MSANTD3: variants seen among roughly 807,000 people sequenced by gnomAD.
MSANTD3 encodes Myb/SANT DNA binding domain containing 3, also known as myb/SANT-like DNA-binding domain-containing protein 3.
MSANTD3 carries 11 observed loss-of-function variants against 27.7 expected under a neutral mutation model. That is an observed-to-expected ratio of 0.40 (90% confidence interval 0.25 to 0.66). The LOEUF (loss-of-function observed/expected upper bound fraction) is 0.66. MSANTD3 is among the 30% of genes least tolerant of loss of function. The probability of loss-of-function intolerance (pLI) is 0.41; values close to 1 mark genes in which losing one functional copy is unlikely to be tolerated. For synonymous variants in MSANTD3, 131 were observed against 127.2 expected, an observed-to-expected ratio of 1.03 and a Z score of -0.20; for missense variants, 250 against 336.5, an observed-to-expected ratio of 0.74 and a Z score of 2.01.
chr9:100,439,517 AT>A (rs1360856102), intron 1 of MSANTD3, among the ~76,000 whole-genome samples: 3 of 141,966 alleles, frequency 2.1e-5, no homozygotes, highest in Admixed American at 1.4e-4. Flanking sequence ...TTTTTTTTTA[AT>A]TTTTTTTTCG....
intron 2 of MSANTD3, chr9:100,448,189 TCAA>T (rs1836801211): frequency 2.5e-6 from 1 of 402,978 alleles, no homozygotes; most frequent in African/African-American, 8.4e-5. Flanking sequence ...AGACCCCATC[TCAA>T]AAAAAAAAAA....
chr9:100,433,910 T>C (rs889057462), intron 1 of MSANTD3, among the ~76,000 whole-genome samples: 1 of 152,144 alleles, frequency 6.6e-6, no homozygotes, highest in African/African-American at 2.4e-5. Context: ...TAATCTAATT[T>C]CAGTCTATTC....
At chr9:100,431,472 TA>T (rs1473420532) in intron 1 of MSANTD3, among the ~76,000 whole-genome samples, 1 of 151,872 alleles carries the variant, frequency 6.6e-6, no homozygotes, top group Non-Finnish European at 1.5e-5. Context: ...GCTAATTTTT[TA>T]ATTTTTATTT....
intron 2 of MSANTD3, among the ~76,000 whole-genome samples, chr9:100,449,520 T>G (rs10989097): frequency 0.27 from 41,586 of 151,556 alleles, 6,141 homozygotes; most frequent in African/African-American, 0.38. Flanking sequence ...GGAGTTGGGG[T>G]GAGGTTAAAA....
chr9:100,451,421 G>A lies in MSANTD3; in HGVS notation c.*455G>A, dbSNP rs1450446442. ...GGCTACACGTTTCTCCAATGGTGAT[G>A]CTGTTGCTCAGAACTTGCTAGAGGT... is the stretch of plus-strand genomic sequence containing the variant. On this transcript the variant is annotated 3_prime_UTR_variant, in exon 3 of 3. Transcript: ENST00000395067. The A allele has an allele frequency of 1.3e-5, 2 of 152,606 alleles. No individual in the cohort carries two copies. Among genetic ancestry groups the A allele is most frequent in the African/African-American group, 2.4e-5 (1 of 41,124 alleles). The allele number at this position is 152,606 out of a possible 1,614,324, so 9.5% of individuals were successfully genotyped here. A position where few individuals can be genotyped will look rare whatever the true frequency, so the allele number is the denominator to read the frequency against.
chr9:100,433,506 G>A (rs182747873), intron 1 of MSANTD3, among the ~76,000 whole-genome samples: 23 of 152,122 alleles, frequency 1.5e-4, no homozygotes, highest in Admixed American at 1.2e-3. Flanking sequence ...AGTAGCTGGG[G>A]CTATAGGCAC....
At chr9:100,444,017 T>C (rs951363103) in intron 2 of MSANTD3, 3 of 152,182 alleles carry the variant, frequency 2.0e-5, no homozygotes, top group Non-Finnish European at 2.9e-5. Flanking sequence ...TAATTAAAAG[T>C]AACAAGAAGC....
chr9:100,441,803 T>C, intron 1 of MSANTD3, 103 bp from the exon 2 acceptor site: 4 of 1,265,934 alleles, frequency 3.2e-6, no homozygotes, highest in Non-Finnish European at 4.3e-6. Context: ...AAGAAAGTAC[T>C]GTATTTCAGA....
At chr9:100,445,514 A>G (rs1224221988) in intron 2 of MSANTD3, among the ~76,000 whole-genome samples, 1 of 152,218 alleles carries the variant, frequency 6.6e-6, no homozygotes, top group Non-Finnish European at 1.5e-5. Flanking sequence ...TATTTTAGAT[A>G]TGTTGGATTA....
chr9:100,446,388 C>T (rs1836752800), intron 2 of MSANTD3, among the ~76,000 whole-genome samples: 1 of 152,152 alleles, frequency 6.6e-6, no homozygotes, highest in Non-Finnish European at 1.5e-5. Context: ...CTTTCATTCT[C>T]TTCTCCTGCA....
At position 100,451,050 on chromosome 9, in the gene MSANTD3, CAG is replaced by C. The variant is rs2118146072; in HGVS notation, c.*87_*88del. The C allele has an allele frequency of 7.3e-7, 1 of 1,367,868 alleles. No homozygotes were observed. Among genetic ancestry groups the C allele is most frequent in the Non-Finnish European group, 9.9e-7 (1 of 1,005,168 alleles). 84.7% of individuals were successfully genotyped at this position (1,367,868 alleles called of 1,614,324 possible). A position where few individuals can be genotyped will look rare whatever the true frequency, so the allele number is the denominator to read the frequency against. On this transcript the variant is annotated 3_prime_UTR_variant, in exon 3 of 3. Transcript: ENST00000395067. ...GGACTTGGCGGTCAGTAACCTGTAA[CAG>C]AGCTACAACTAGGAAAATTAGAGTG...
intron 1 of MSANTD3, among the ~76,000 whole-genome samples, chr9:100,438,214 A>G (rs1836521194): frequency 6.6e-6 from 1 of 152,234 alleles, no homozygotes; most frequent in Non-Finnish European, 1.5e-5. Flanking sequence ...CAATGAAGTG[A>G]CATTTTTTAC....
At chr9:100,427,728 C>A (rs1279593468) in intron 1 of MSANTD3, among the ~76,000 whole-genome samples, 1 of 152,160 alleles carries the variant, frequency 6.6e-6, no homozygotes, top group Non-Finnish European at 1.5e-5. Context: ...CGCGGTCTTC[C>A]CATCCCGGCG....
intron 1 of MSANTD3, among the ~76,000 whole-genome samples, chr9:100,434,377 A>G (rs905990047): frequency 7.2e-5 from 11 of 152,112 alleles, no homozygotes; most frequent in Non-Finnish European, 1.5e-5. Context: ...TAAAAGTACA[A>G]AAATCAGCTG....
At chr9:100,439,316 A>G (rs1455171319) in intron 1 of MSANTD3, among the ~76,000 whole-genome samples, 1 of 152,160 alleles carries the variant, frequency 6.6e-6, no homozygotes, top group Non-Finnish European at 1.5e-5. Context: ...GCCGGCTTGA[A>G]ATAGTGTGAT....
chr9:100,430,330 A>G (rs535393793), intron 1 of MSANTD3, among the ~76,000 whole-genome samples: 24 of 151,510 alleles, frequency 1.6e-4, no homozygotes, highest in African/African-American at 5.3e-4. Context: ...GTGTCAAAAA[A>G]AAAAAAAAAA....
intron 1 of MSANTD3, among the ~76,000 whole-genome samples, chr9:100,438,200 TAATC>T (rs1289867173): frequency 1.3e-5 from 2 of 152,190 alleles, no homozygotes; most frequent in Non-Finnish European, 2.9e-5. Context: ...CATATATCAT[TAATC>T]AATGAAGTGA....
At chr9:100,430,173 C>T (rs570648131) in intron 1 of MSANTD3, among the ~76,000 whole-genome samples, 87 of 151,384 alleles carry the variant, frequency 5.7e-4, no homozygotes, top group Admixed American at 7.9e-4. Flanking sequence ...AGAAGGAAGC[C>T]GTTATAAAGA....
chr9:100,440,718 G>A (rs541049635), intron 1 of MSANTD3, among the ~76,000 whole-genome samples: 2 of 140,332 alleles, frequency 1.4e-5, no homozygotes, highest in African/African-American at 5.3e-5. Context: ...AGCCTCCCAA[G>A]TAGCTGGGAT....
Sources: gnomAD v4.1 joint callset for allele counts (sites outside exome capture counted in the v4.1 genomes callset) on GRCh38, gnomAD v4.1.1 for gene constraint, MANE v1.5 for transcripts, NCBI Gene and HGNC (gene_info 2026-07-23, HGNC 2026-07-21) for gene names.